MFAP3L: variants seen among roughly 807,000 people sequenced by gnomAD.
MFAP3L encodes microfibrillar-associated protein 3-like.
Under a neutral mutation model 20.0 loss-of-function variants are expected in MFAP3L, and 5 were observed. That is an observed-to-expected ratio of 0.25 (90% CI 0.13 to 0.53). MFAP3L has a LOEUF of 0.53. Among genes scored for constraint, MFAP3L ranks in the 20% least tolerant of loss-of-function variants. The pLI is 0.96. For synonymous variants in MFAP3L, 219 were observed against 213.0 expected, an observed-to-expected ratio of 1.03 and a Z score of -0.25; for missense variants, 409 against 527.5, an observed-to-expected ratio of 0.78 and a Z score of 2.20.
At position 169,992,134 on chromosome 4, in the gene MFAP3L, C is replaced by T. The variant is rs1328128222; in HGVS notation, c.474G>A (p.Leu158=). Reference sequence around the variant, plus strand: ...GGACCATGACGATGGTGAAGGCCACCAGGCACACGACCATGTAGTAGACAC... The same window carrying T: ...GGACCATGACGATGGTGAAGGCCACTAGGCACACGACCATGTAGTAGACAC... ...DMGVYYMVVC[L]VAFTIVMVLN... is the part of the protein sequence containing the mutation. Residue 158 remains leucine, a synonymous_variant, in exon 3 of 3, where the codon CTG becomes CTA. Coordinates refer to ENST00000361618, the MANE Select transcript of MFAP3L (RefSeq NM_021647.8). This position sits in a 1 kb window ranked among gnomAD's most constrained non-coding sequence, Gnocchi z 4.3. The T allele has an allele frequency of 1.2e-6, 2 of 1,614,160 alleles. No individual in the cohort carries two copies. Among genetic ancestry groups the T allele is most frequent in the African/African-American group, 1.3e-5 (1 of 75,034 alleles).
chr4:170,009,081 A>G (rs914236473), intron 1 of MFAP3L, among the ~76,000 whole-genome samples: 1 of 152,214 alleles, frequency 6.6e-6, no homozygotes, highest in African/African-American at 2.4e-5. Context: ...TCTTACAGAC[A>G]GCACCATGAA....
At chr4:170,018,396 T>C (rs1464294172) in intron 1 of MFAP3L, among the ~76,000 whole-genome samples, 1 of 152,222 alleles carries the variant, frequency 6.6e-6, no homozygotes, top group Non-Finnish European at 1.5e-5. Flanking sequence ...AGAAATTCTA[T>C]TCCAGATGAG....
rs1036907511 is a variant in MFAP3L at position 169,990,301 on chromosome 4, C to T, written c.*1077G>A. The T allele has an allele frequency of 6.6e-5, 10 of 152,354 alleles. No individual in the cohort carries two copies. The highest frequency in any genetic ancestry group is 6.2e-4 in the South Asian group (3 of 4,828). 9.4% of individuals were successfully genotyped at this position (152,354 alleles called of 1,614,324 possible). The stretch of plus-strand genomic sequence containing the variant: ...TCCCTTTGCTATTACCCTAACCTTT[C>T]GCTTTCCTCTTTAAGGACAACCAAG... On this transcript the variant is annotated 3_prime_UTR_variant, in exon 3 of 3. Transcript: ENST00000361618.
chr4:169,987,933 C>T lies in MFAP3L; in HGVS notation c.*3445G>A, dbSNP rs1344406395. The stretch of plus-strand genomic sequence containing the variant: ...CTGGTGCAATTAAAAATGAAACAAA[C>T]AATAAAAACAGATAAAGGAGGAAAG... On this transcript the variant is annotated 3_prime_UTR_variant, in exon 3 of 3. Coordinates refer to ENST00000361618, the MANE Select transcript of MFAP3L (RefSeq NM_021647.8). The T allele has an allele frequency of 6.6e-6, 1 of 152,048 alleles. No homozygotes were observed. The highest frequency in any genetic ancestry group is 2.4e-5 in the African/African-American group (1 of 41,410). 9.4% of individuals were successfully genotyped at this position (152,048 alleles called of 1,614,324 possible).
chr4:170,016,197 T>C (rs1871683), intron 1 of MFAP3L, among the ~76,000 whole-genome samples: 67,968 of 151,980 alleles, frequency 0.45, 15,454 homozygotes, highest in East Asian at 0.71. Flanking sequence ...TAAATTATTA[T>C]AATGTACATT....
chr4:170,023,358 AG>A, intron 1 of MFAP3L, among the ~76,000 whole-genome samples: 1 of 152,242 alleles, frequency 6.6e-6, no homozygotes, highest in African/African-American at 2.4e-5. Flanking sequence ...TATTTTAATG[AG>A]TAAAGACCTC....
chr4:170,005,871 G>A lies in MFAP3L; in HGVS notation c.7C>T (p.Arg3Ter), dbSNP rs1375869515. The change falls in exon 2 of 3, where the codon CGA becomes TGA. Residue 3 changes from arginine to a stop codon, truncating the protein, a stop_gained. Coordinates refer to ENST00000361618, the MANE Select transcript of MFAP3L (RefSeq NM_021647.8). LOFTEE classifies it high-confidence loss of function. ...CACACAGTCAGATGGCTCTTCAATC[G>A]ATCCATCTTCTTTGCTTGCTCTGTA... is the stretch of plus-strand genomic sequence containing the variant. MD[R>*]LKSHLTVCFL... is the part of the protein sequence containing the mutation. 1 of 1,613,102 alleles carries A rather than the reference G, an allele frequency of 6.2e-7. No individual in the cohort carries two copies. The highest frequency in any genetic ancestry group is 8.5e-7 in the Non-Finnish European group (1 of 1,179,248).
chr4:169,994,808 G>C (rs1045564563), intron 2 of MFAP3L, among the ~76,000 whole-genome samples: 3 of 152,072 alleles, frequency 2.0e-5, no homozygotes, highest in Non-Finnish European at 2.9e-5. Flanking sequence ...CAGCACATTG[G>C]GTCCACAGAC....
At chr4:170,006,054 T>G in intron 1 of MFAP3L, 44 bp from the exon 2 acceptor site, 1 of 1,346,326 alleles carries the variant, frequency 7.4e-7, no homozygotes, top group Non-Finnish European at 9.8e-7. Flanking sequence ...AACATTAGCA[T>G]TCATCCATTC....
intron 1 of MFAP3L, among the ~76,000 whole-genome samples, chr4:170,024,745 G>C (rs1560995159): frequency 6.6e-6 from 1 of 152,072 alleles, no homozygotes; most frequent in Admixed American, 6.5e-5. Context: ...TTAAACCTCG[G>C]TTATGCAGCA....
rs1010856288 is a variant in MFAP3L at position 169,992,859 on chromosome 4, G to A, written c.299-550C>T. On this transcript the variant is annotated intron_variant, in intron 2 of 2. Transcript: ENST00000361618. This position sits in a 1 kb window ranked among gnomAD's most constrained non-coding sequence, Gnocchi z 4.3. ...CAAATTTAAGATTGAAGTAATCCTT[G>A]TATGATCTCAGTTAATTAAAACATA... Among the ~76,000 whole-genome samples, 2 of 152,156 alleles carry A rather than the reference G, an allele frequency of 1.3e-5. No individual in the cohort carries two copies. The highest frequency in any genetic ancestry group is 4.8e-5 in the African/African-American group (2 of 41,432).
chr4:170,026,649 CTCGG>C (rs1730460758), upstream of MFAP3L, among the ~76,000 whole-genome samples: 1 of 151,348 alleles, frequency 6.6e-6, no homozygotes, highest in South Asian at 2.1e-4. Flanking sequence ...TGGGCCGGGC[CTCGG>C]CGGCCCCCAG....
intron 1 of MFAP3L, among the ~76,000 whole-genome samples, chr4:170,011,613 C>G (rs1159432696): frequency 6.6e-6 from 1 of 152,152 alleles, no homozygotes; most frequent in East Asian, 1.9e-4. Context: ...GAGAAATGAC[C>G]TGCGCTGGGT....
At chr4:170,025,164 G>T (rs907348246) in intron 1 of MFAP3L, among the ~76,000 whole-genome samples, 2 of 152,188 alleles carry the variant, frequency 1.3e-5, no homozygotes, top group African/African-American at 4.8e-5. Context: ...TTCTGTGTAA[G>T]TAAAATGTCA....
At chr4:170,020,682 C>T (rs973814466) in intron 1 of MFAP3L, among the ~76,000 whole-genome samples, 2 of 149,192 alleles carry the variant, frequency 1.3e-5, no homozygotes, top group African/African-American at 2.5e-5. Flanking sequence ...CTCCCATCTC[C>T]CCAACCCCAG....
At chr4:169,997,745 A>T (rs932605193) in intron 2 of MFAP3L, 1 of 984,206 alleles carries the variant, frequency 1.0e-6, no homozygotes, top group African/African-American at 1.8e-5. Context: ...TATCACACAC[A>T]ACTCACCGCA....
chr4:169,994,663 G>A (rs1738003153), intron 2 of MFAP3L: 3 of 577,408 alleles, frequency 5.2e-6, no homozygotes, highest in Middle Eastern at 8.6e-4. Context: ...AACATTTCTT[G>A]TGACATTGTT....
rs535682276 is a variant in MFAP3L at position 170,020,366 on chromosome 4, C to G, written c.-134+5868G>C. ...ACTCCTCAATATTGGGCTGCCACAT[C>G]CTGGGTTTCCCCTGGGTTATGTGCT... is the stretch of plus-strand genomic sequence containing the variant. On this transcript the variant is annotated intron_variant, in intron 1 of 2. Transcript: ENST00000361618. Among the ~76,000 whole-genome samples the G allele has an allele frequency of 1.1e-3, 171 of 152,300 alleles. 1 individual carries two copies. The highest frequency in any genetic ancestry group is 3.9e-3 in the African/African-American group (163 of 41,568).
chr4:169,997,882 AAC>A lies in MFAP3L; in HGVS notation c.299-5575_299-5574del. On this transcript the variant is annotated intron_variant, in intron 2 of 2. Transcript: ENST00000361618. Reference sequence around the variant, plus strand: ...CACTGCAGGTAGTTGTCAGGCTGGTAACACTGTTGGAAGGATGATTTGATCAC... The same window carrying A: ...CACTGCAGGTAGTTGTCAGGCTGGTAACTGTTGGAAGGATGATTTGATCAC... 3.5e-6 allele frequency: 3 copies of A among 867,404 alleles called. No individual in the cohort carries two copies. In the South Asian group the frequency reaches 1.6e-4, roughly 46 times the overall value. The allele number at this position is 867,404 out of a possible 1,614,324, so 53.7% of individuals were successfully genotyped here.
Sources: gnomAD v4.1 joint callset for allele counts (sites outside exome capture counted in the v4.1 genomes callset) on GRCh38, gnomAD v4.1.1 for gene constraint, Gnocchi (gnomAD v3.1) non-coding constraint, MANE v1.5 for transcripts, NCBI Gene and HGNC (gene_info 2026-07-23, HGNC 2026-07-21) for gene names.